Variants in MBTPS1 observed in about 807,000 individuals in gnomAD.
The protein encoded by MBTPS1 is membrane-bound transcription factor site-1 protease.
In MBTPS1, 94 loss-of-function variants were observed where a neutral mutation model predicts 127.8. The ratio of observed to expected loss-of-function variants is 0.74; its 90% CI spans 0.62 to 0.87. The LOEUF (loss-of-function observed/expected upper bound fraction) is 0.87, where lower values mean the gene tolerates loss of function less well. Ranked by LOEUF, MBTPS1 falls within the 40% of genes least tolerant of loss-of-function variation. The pLI, the probability that MBTPS1 is intolerant of heterozygous loss-of-function variation, is 0.00. For synonymous variants in MBTPS1, 632 were observed against 509.4 expected (o/e 1.24, Z -3.24); for missense variants, 1,636 against 1,353.2 (o/e 1.21, Z -3.28).
chr16:84,093,175 T>G lies in MBTPS1; in HGVS notation c.846+13A>C. 4 of 1,573,530 alleles carry G rather than the reference T, an allele frequency of 2.5e-6. No individual in the cohort carries two copies. Among genetic ancestry groups the G allele is most frequent in the Non-Finnish European group, 3.5e-6 (4 of 1,142,960 alleles). On this transcript the variant is annotated intron_variant, in intron 6 of 22. Coordinates refer to ENST00000343411, the MANE Select transcript of MBTPS1 (RefSeq NM_003791.4). ...TGAATTCCTCAAGTTTCAGGAGTCC[T>G]CAAAACACCTACCTGATTATTGGTA... is the stretch of plus-strand genomic sequence containing the variant.
rs796183247 is a variant in MBTPS1, at chr16:84,063,887, C to G, written c.2432-442G>C. On this transcript the variant is annotated intron_variant, in intron 18 of 22. Coordinates refer to ENST00000343411, the MANE Select transcript of MBTPS1 (RefSeq NM_003791.4). ...GAATACAGTCATATATACTAATACCCAGGTTTCACGTTTTATTATGAAAAG... is the reference window on the plus strand; with the variant it reads ...GAATACAGTCATATATACTAATACCGAGGTTTCACGTTTTATTATGAAAAG... 2.2e-4 allele frequency among the ~76,000 whole-genome samples: 34 copies of G among 152,288 alleles called. 1 individual carries two copies. The highest frequency in any genetic ancestry group is 7.7e-4 in the African/African-American group (32 of 41,564).
rs549802291 is a variant in MBTPS1, at chr16:84,088,686, C to CAGGACCCAGACAA, written c.1032-1239_1032-1227dup. On this transcript the variant is annotated intron_variant, in intron 8 of 22. Transcript: ENST00000343411. Reference sequence around the variant, plus strand: ...ACAGAGTCTAGGAGCACCAAGGGCACAGGACCCAGACAAAGAGACCACAGC... The same window carrying CAGGACCCAGACAA: ...ACAGAGTCTAGGAGCACCAAGGGCACAGGACCCAGACAAAGGACCCAGACAAAGAGACCACAGC... Among the ~76,000 whole-genome samples, 753 of 152,280 alleles carry CAGGACCCAGACAA rather than the reference C, an allele frequency of 4.9e-3. 6 individuals are homozygous for CAGGACCCAGACAA. The highest frequency in any genetic ancestry group is 0.017 in the African/African-American group (720 of 41,532).
chr16:84,085,386 G>A (rs564293740), intron 9 of MBTPS1, among the ~76,000 whole-genome samples: 1 of 152,216 alleles, frequency 6.6e-6, no homozygotes, highest in East Asian at 1.9e-4. Context: ...GGGCTACACA[G>A]TAAGACCCCC....
intron 1 of MBTPS1, among the ~76,000 whole-genome samples, chr16:84,111,837 A>G (rs1430133337): frequency 6.6e-6 from 1 of 152,146 alleles, no homozygotes; most frequent in Non-Finnish European, 1.5e-5. Flanking sequence ...AATGTTAAGT[A>G]AAACAGTTCA....
intron 10 of MBTPS1, among the ~76,000 whole-genome samples, chr16:84,082,651 G>T (rs1567488256): frequency 6.6e-6 from 1 of 152,142 alleles, no homozygotes; most frequent in East Asian, 1.9e-4. Flanking sequence ...CACAAAAAAG[G>T]AAAACTTAAC....
At position 84,090,324 on chromosome 16, in the gene MBTPS1, GC is replaced by G. The variant is rs563854972; in HGVS notation, c.1031+550del. Among the ~76,000 whole-genome samples the G allele has an allele frequency of 1.1e-3, 170 of 151,610 alleles. 1 individual carries two copies. Among genetic ancestry groups the G allele is most frequent in the African/African-American group, 4.0e-3 (165 of 41,240 alleles). Reference sequence around the variant, plus strand: ...CACGCTGCTTAAGTTTAGCACAAAGGCCCCCCTGTGACACTGTCCTCCCTGC... The same window carrying G: ...CACGCTGCTTAAGTTTAGCACAAAGGCCCCCTGTGACACTGTCCTCCCTGC... On this transcript the variant is annotated intron_variant, in intron 8 of 22. Transcript: ENST00000343411.
At chr16:84,092,538 G>A (rs2086123878) in intron 6 of MBTPS1, among the ~76,000 whole-genome samples, 1 of 152,174 alleles carries the variant, frequency 6.6e-6, no homozygotes, top group Non-Finnish European at 1.5e-5. Context: ...TCATCACACA[G>A]GACACACGGG....
intron 1 of MBTPS1, among the ~76,000 whole-genome samples, chr16:84,113,397 T>C (rs916060424): frequency 1.3e-5 from 2 of 152,226 alleles, no homozygotes; most frequent in African/African-American, 2.4e-5. Context: ...ACACCTCTAA[T>C]ACACGTATAA....
At chr16:84,086,569 C>A (rs1181639913) in intron 9 of MBTPS1, 1 of 152,320 alleles carries the variant, frequency 6.6e-6, no homozygotes, top group African/African-American at 2.4e-5. Context: ...AGGACAAAGG[C>A]TCAGGCAGAA....
intron 16 of MBTPS1, 41 bp from the exon 17 acceptor site, chr16:84,066,654 A>G: frequency 6.2e-7 from 1 of 1,606,706 alleles, no homozygotes; most frequent in East Asian, 2.2e-5. Flanking sequence ...CAGGGAATGA[A>G]GACACTCCAT....
chr16:84,094,117 C>T (rs73249075), intron 4 of MBTPS1, among the ~76,000 whole-genome samples: 3,907 of 152,172 alleles, frequency 0.026, 153 homozygotes, highest in African/African-American at 0.09. Context: ...GATAGAACCA[C>T]CCCTTCCACT....
intron 18 of MBTPS1, among the ~76,000 whole-genome samples, chr16:84,063,660 T>C (rs1029164318): frequency 2.6e-5 from 4 of 152,238 alleles, no homozygotes; most frequent in Non-Finnish European, 4.4e-5. Context: ...CAAAATTCAC[T>C]TTGTGTGTAT....
chr16:84,079,489 A>C (rs77208988), intron 11 of MBTPS1, among the ~76,000 whole-genome samples: 288 of 152,340 alleles, frequency 1.9e-3, no homozygotes, highest in African/African-American at 6.7e-3. Flanking sequence ...AACTGAAAAA[A>C]ACACTATAAC....
At chr16:84,104,070 G>A (rs59690756) in intron 1 of MBTPS1, among the ~76,000 whole-genome samples, 6 of 152,268 alleles carry the variant, frequency 3.9e-5, no homozygotes, top group African/African-American at 9.6e-5. Context: ...CAGCAATGGA[G>A]TACCAAAGAA....
chr16:84,084,951 G>T, intron 10 of MBTPS1, 32 bp downstream of exon 10: 1 of 1,605,448 alleles, frequency 6.2e-7, no homozygotes, highest in Non-Finnish European at 8.5e-7. Context: ...TCCTGACGTG[G>T]GAGCTACTGG....
chr16:84,101,073 G>C (rs1391578755), intron 2 of MBTPS1, among the ~76,000 whole-genome samples: 1 of 151,780 alleles, frequency 6.6e-6, no homozygotes, highest in Non-Finnish European at 1.5e-5. Context: ...GGCCAAGGCA[G>C]GCGGATCACG....
At position 84,099,327 on chromosome 16, in the gene MBTPS1, C is replaced by T. The variant is rs776636885; in HGVS notation, c.164-17G>A. On this transcript the variant is annotated splice_polypyrimidine_tract_variant and intron_variant, in intron 2 of 22. Coordinates refer to ENST00000343411, the MANE Select transcript of MBTPS1 (RefSeq NM_003791.4). Reference sequence around the variant, plus strand: ...CAATATATTCTGAAACCAATCACCACAAACAAAAATAAGATTTACGCACAT... The same window carrying T: ...CAATATATTCTGAAACCAATCACCATAAACAAAAATAAGATTTACGCACAT... 147 of 1,609,498 alleles carry T rather than the reference C, an allele frequency of 9.1e-5. No homozygotes were observed. Among genetic ancestry groups the T allele is most frequent in the Non-Finnish European group, 1.2e-4 (142 of 1,178,218 alleles).
intron 1 of MBTPS1, among the ~76,000 whole-genome samples, chr16:84,105,850 C>A (rs2086316584): frequency 1.3e-5 from 2 of 152,148 alleles, no homozygotes; most frequent in African/African-American, 2.4e-5. Flanking sequence ...AAAAGCCAGG[C>A]ACTGTTCTAG....
chr16:84,096,304 T>C (rs1310361693), intron 3 of MBTPS1, among the ~76,000 whole-genome samples: 2 of 152,228 alleles, frequency 1.3e-5, no homozygotes, highest in African/African-American at 4.8e-5. Context: ...TCAATATTCT[T>C]ATCTGCTAGA....
Sources: gnomAD v4.1 joint callset for allele counts (sites outside exome capture counted in the v4.1 genomes callset) on GRCh38, gnomAD v4.1.1 for gene constraint, MANE v1.5 for transcripts, NCBI Gene and HGNC (gene_info 2026-07-23, HGNC 2026-07-21) for gene names.